Variants in EFCAB13 observed in about 807,000 individuals in gnomAD.
EFCAB13 encodes EF-hand calcium-binding domain-containing protein 13.
EFCAB13 carries 91 observed loss-of-function variants against 110.2 expected under a neutral mutation model. That is an observed-to-expected ratio of 0.83 (90% CI 0.70 to 0.98). EFCAB13 has a LOEUF of 0.98. EFCAB13 is among the 50% of genes least tolerant of loss of function. The pLI is 0.00. For synonymous variants in EFCAB13, 323 were observed against 369.9 expected, an observed-to-expected ratio of 0.87 and a Z score of 1.45; for missense variants, 968 against 1,119.4, an observed-to-expected ratio of 0.86 and a Z score of 1.93.
chr17:47,334,544 G>A (rs1044408641), intron 4 of EFCAB13, among the ~76,000 whole-genome samples: 1 of 152,166 alleles, frequency 6.6e-6, no homozygotes, highest in Admixed American at 6.5e-5. Flanking sequence ...TAAAAATACT[G>A]CTTTGCAAAG....
At chr17:47,362,839 C>G (rs1379470088) in intron 10 of EFCAB13, among the ~76,000 whole-genome samples, 1 of 152,170 alleles carries the variant, frequency 6.6e-6, no homozygotes, top group African/African-American at 2.4e-5. Flanking sequence ...GTGACCTTAC[C>G]TATCAATGGA....
intron 11 of EFCAB13, among the ~76,000 whole-genome samples, chr17:47,372,118 A>G (rs1013620317): frequency 5.3e-5 from 8 of 152,012 alleles, no homozygotes; most frequent in African/African-American, 1.9e-4. Flanking sequence ...GGATTTTACT[A>G]CTGCCATTTT....
chr17:47,416,944 A>G (rs912063765), intron 23 of EFCAB13, among the ~76,000 whole-genome samples: 48 of 152,340 alleles, frequency 3.2e-4, no homozygotes, highest in African/African-American at 1.2e-3. Context: ...GACTGGCTGG[A>G]AAACGAGTGG....
chr17:47,389,578 CTTT>C (rs551358125), intron 14 of EFCAB13, among the ~76,000 whole-genome samples: 12 of 135,122 alleles, frequency 8.9e-5, no homozygotes, highest in African/African-American at 1.3e-4. Context: ...CTCATTTCAT[CTTT>C]TTTTTTTTTT....
At chr17:47,435,480 A>G (rs972756176) in intron 24 of EFCAB13, among the ~76,000 whole-genome samples, 3 of 152,074 alleles carry the variant, frequency 2.0e-5, no homozygotes, top group African/African-American at 7.2e-5. Context: ...AAAAACTACA[A>G]GTAGGTCTTT....
In EFCAB13 at chr17:47,398,934, C is replaced by T. The variant is rs117282440; in HGVS notation, c.1945+2957C>T. Among the ~76,000 whole-genome samples, 653 of 152,180 alleles carry T rather than the reference C, an allele frequency of 4.3e-3. 19 individuals are homozygous for T. The East Asian group carries it at 0.066, about 15-fold the overall frequency. ...TCATATATTGTGTTTATTATTCTTT[C>T]TTTGGAGGGGACAAGGTCTTGCTTT... On this transcript the variant is annotated intron_variant, in intron 17 of 24. Coordinates refer to ENST00000331493, the MANE Select transcript of EFCAB13 (RefSeq NM_152347.5).
chr17:47,341,871 G>C, intron 5 of EFCAB13, 50 bp from the exon 6 acceptor site: 1 of 1,097,506 alleles, frequency 9.1e-7, no homozygotes, highest in Non-Finnish European at 1.3e-6. Flanking sequence ...AAGTTGAAAA[G>C]AATAAGTAAA....
At chr17:47,332,070 T>C (rs2065322620) in intron 4 of EFCAB13, among the ~76,000 whole-genome samples, 2 of 152,128 alleles carry the variant, frequency 1.3e-5, no homozygotes, top group Admixed American at 1.3e-4. Flanking sequence ...TTCAACTTGT[T>C]AGAGTAAATA....
intron 23 of EFCAB13, among the ~76,000 whole-genome samples, chr17:47,425,790 C>T (rs1014847414): frequency 1.3e-5 from 2 of 152,180 alleles, no homozygotes; most frequent in Non-Finnish European, 2.9e-5. Flanking sequence ...TACTATCTGA[C>T]AGACCTACAA....
intron 23 of EFCAB13, among the ~76,000 whole-genome samples, chr17:47,429,346 G>A (rs1905059718): frequency 1.3e-5 from 2 of 152,062 alleles, no homozygotes; most frequent in Non-Finnish European, 2.9e-5. Flanking sequence ...TGATTTCAGG[G>A]CCACATGTGA....
rs764046159 is a variant in EFCAB13, at chr17:47,344,150, A to G, written c.304-12A>G. ...TCACCTCAGGCACCAACATACTTGC[A>G]TTTGGCTCTAGATTATCCCTCCTTT... On this transcript the variant is annotated splice_polypyrimidine_tract_variant and intron_variant, in intron 6 of 24. Transcript: ENST00000331493. 6.2e-7 allele frequency: 1 copy of G among 1,610,382 alleles called. No individual in the cohort carries two copies. Among genetic ancestry groups the G allele is most frequent in the Non-Finnish European group, 8.5e-7 (1 of 1,178,024 alleles).
At chr17:47,393,807 G>T (rs1264168018) in intron 15 of EFCAB13, among the ~76,000 whole-genome samples, 7 of 151,230 alleles carry the variant, frequency 4.6e-5, no homozygotes, top group Non-Finnish European at 1.0e-4. Flanking sequence ...AGAGGGACTG[G>T]AAGAATTTTG....
At chr17:47,368,467 C>T (rs527365504) in intron 10 of EFCAB13, among the ~76,000 whole-genome samples, 2 of 152,156 alleles carry the variant, frequency 1.3e-5, no homozygotes, top group South Asian at 2.1e-4. Flanking sequence ...AGTGGTTTGC[C>T]GAGTGGATGG....
chr17:47,336,685 C>T (rs529882327), intron 5 of EFCAB13, among the ~76,000 whole-genome samples: 2 of 150,484 alleles, frequency 1.3e-5, no homozygotes, highest in East Asian at 2.0e-4. Flanking sequence ...ATGATCTGCC[C>T]GCCTGAGCCT....
intron 20 of EFCAB13, among the ~76,000 whole-genome samples, chr17:47,407,791 A>G (rs1400526835): frequency 6.6e-6 from 1 of 152,124 alleles, no homozygotes; most frequent in Non-Finnish European, 1.5e-5. Context: ...GAGGTCAGCC[A>G]TGGGCTTTCT....
chr17:47,437,645 T>G (rs910781720), intron 24 of EFCAB13, among the ~76,000 whole-genome samples: 5 of 152,172 alleles, frequency 3.3e-5, no homozygotes, highest in African/African-American at 1.2e-4. Context: ...TAAGTTTATT[T>G]GAGTCCTTAT....
Position 47,432,399 on chromosome 17 carries a change from A to AAAATAAATAAAT in EFCAB13, c.2638+2471_2638+2482dup, listed in dbSNP as rs60375757. 8.5e-3 allele frequency among the ~76,000 whole-genome samples: 1,178 copies of AAAATAAATAAAT among 138,524 alleles called. 7 individuals are homozygous for AAAATAAATAAAT. The highest frequency in any genetic ancestry group is 0.013 in the African/African-American group (486 of 36,340). 90.9% of individuals were successfully genotyped at this position (138,524 alleles called of 152,430 possible). On this transcript the variant is annotated intron_variant, in intron 24 of 24. Coordinates refer to ENST00000331493, the MANE Select transcript of EFCAB13 (RefSeq NM_152347.5). ...GGCGACTGAGCAAGAATCCATCTCAAAAATAAATAAATAAATAAATAAATA... is the reference window on the plus strand; with the variant it reads ...GGCGACTGAGCAAGAATCCATCTCAAAAATAAATAAATAAATAAATAAATAAATAAATAAATA...
At chr17:47,374,380 T>C in intron 11 of EFCAB13, 92 bp from the exon 12 acceptor site, 1 of 1,113,950 alleles carries the variant, frequency 9.0e-7, no homozygotes, top group East Asian at 2.7e-5. Context: ...GATAATTTCT[T>C]GAATAGTTTT....
chr17:47,406,179 C>T (rs2065804208), intron 20 of EFCAB13, among the ~76,000 whole-genome samples: 1 of 152,184 alleles, frequency 6.6e-6, no homozygotes, highest in Non-Finnish European at 1.5e-5. Context: ...GTGGAGCAAT[C>T]TTGGCTCACT....
Sources: gnomAD v4.1 joint callset for allele counts (sites outside exome capture counted in the v4.1 genomes callset) on GRCh38, gnomAD v4.1.1 for gene constraint, MANE v1.5 for transcripts, NCBI Gene and HGNC (gene_info 2026-07-23, HGNC 2026-07-21) for gene names.